MPPED2: variants seen among roughly 807,000 people sequenced by gnomAD.
MPPED2 encodes the protein metallophosphoesterase domain containing 2.
MPPED2 carries 5 observed loss-of-function variants against 33.0 expected under a neutral mutation model. That is an observed-to-expected ratio of 0.15 (90% CI 0.08 to 0.32). MPPED2 has a LOEUF of 0.32. Ranked by LOEUF, MPPED2 falls within the 10% of genes least tolerant of loss-of-function variation. MPPED2 has a pLI of 1.00. For synonymous variants in MPPED2, 136 were observed against 141.9 expected, an observed-to-expected ratio of 0.96 and a Z score of 0.29; for missense variants, 275 against 372.1, an observed-to-expected ratio of 0.74 and a Z score of 2.15.
At chr11:30,453,403 C>T (rs2133960404) in intron 4 of MPPED2, among the ~76,000 whole-genome samples, 1 of 152,236 alleles carries the variant, frequency 6.6e-6, no homozygotes, top group African/African-American at 2.4e-5. Context: ...TGAGGCTTTC[C>T]AGGAGCCCTA....
In MPPED2 at chr11:30,493,666, A is replaced by T. The variant is rs72887296; in HGVS notation, c.536+1630T>A. 3.3e-5 allele frequency among the ~76,000 whole-genome samples: 4 copies of T among 120,382 alleles called. No individual in the cohort carries two copies. In the South Asian group the frequency reaches 7.6e-4, roughly 23 times the overall value. The allele number at this position is 120,382 out of a possible 152,430, so 79.0% of individuals were successfully genotyped here. On this transcript the variant is annotated intron_variant, in intron 4 of 6. Coordinates refer to ENST00000358117, the MANE Select transcript of MPPED2 (RefSeq NM_001584.3). ...AGTCTAACATTCTCATTTTAAAGAT[A>T]AAAAAAAAAACTGGCTCTAGGGCCT...
intron 2 of MPPED2, among the ~76,000 whole-genome samples, chr11:30,537,401 A>G (rs1364110848): frequency 6.6e-6 from 1 of 152,216 alleles, no homozygotes; most frequent in Non-Finnish European, 1.5e-5. Flanking sequence ...GATAGTTAAC[A>G]TGCAGCAGAG....
rs1956503706 is a variant in MPPED2 at position 30,567,638 on chromosome 11, C to T, written c.128+12608G>A. On this transcript the variant is annotated intron_variant, in intron 2 of 6. Transcript: ENST00000358117. ...TGTGTTCTAAAGTAGTGCCCAAGCA[C>T]TTATCCTGTTCTCTTTGAAAAACAC... Among the ~76,000 whole-genome samples, 8 of 152,210 alleles carry T rather than the reference C, an allele frequency of 5.3e-5. 1 individual carries two copies. The South Asian group carries it at 1.7e-3, about 31-fold the overall frequency.
intron 4 of MPPED2, among the ~76,000 whole-genome samples, chr11:30,464,898 G>C (rs1456702217): frequency 1.3e-5 from 2 of 152,254 alleles, no homozygotes; most frequent in East Asian, 3.9e-4. Flanking sequence ...TCTATCACAG[G>C]CTCGTTCAAT....
In MPPED2 at chr11:30,411,347, T is replaced by C; in HGVS notation, c.*121A>G. ...AGCACAACCTCTAGCATCATTTGTG[T>C]TCCAACAATTTACAAAAAGAACTCA... On this transcript the variant is annotated 3_prime_UTR_variant, in exon 7 of 7. Coordinates refer to ENST00000358117, the MANE Select transcript of MPPED2 (RefSeq NM_001584.3). 7.2e-7 allele frequency: 1 copy of C among 1,389,024 alleles called. No individual in the cohort carries two copies. Among genetic ancestry groups the C allele is most frequent in the Non-Finnish European group, 9.4e-7 (1 of 1,059,784 alleles). The allele number at this position is 1,389,024 out of a possible 1,614,324, so 86.0% of individuals were successfully genotyped here. A position where few individuals can be genotyped will look rare whatever the true frequency, so the allele number is the denominator to read the frequency against.
At chr11:30,550,214 C>G (rs1955633546) in intron 2 of MPPED2, among the ~76,000 whole-genome samples, 1 of 146,548 alleles carries the variant, frequency 6.8e-6, no homozygotes, top group African/African-American at 2.4e-5. Context: ...GCCTGAGAAA[C>G]AGTCAGTGAA....
At chr11:30,414,546 AT>A (rs11433178) in intron 5 of MPPED2, among the ~76,000 whole-genome samples, 5 of 148,590 alleles carry the variant, frequency 3.4e-5, no homozygotes, top group African/African-American at 5.0e-5. Context: ...TTTGGTTTCC[AT>A]TTTTTTTTCT....
chr11:30,576,884 A>G (rs1956953138), intron 2 of MPPED2, among the ~76,000 whole-genome samples: 1 of 151,940 alleles, frequency 6.6e-6, no homozygotes, highest in South Asian at 2.1e-4. Context: ...GCTTTCTAAA[A>G]AAAAAAAACT....
At chr11:30,441,537 A>G (rs1383948894) in intron 4 of MPPED2, 1 of 152,202 alleles carries the variant, frequency 6.6e-6, no homozygotes, top group Non-Finnish European at 1.5e-5. Context: ...ATTGACAATA[A>G]TCTTGTGGTA....
intron 3 of MPPED2, among the ~76,000 whole-genome samples, chr11:30,516,960 T>C (rs1048273705): frequency 6.6e-6 from 1 of 152,182 alleles, no homozygotes; most frequent in African/African-American, 2.4e-5. Context: ...TATGGATGGG[T>C]TGGCTGTATG....
In MPPED2 at chr11:30,455,992, A is replaced by G. The variant is rs77988531; in HGVS notation, c.537-38359T>C. Among the ~76,000 whole-genome samples the G allele has an allele frequency of 6.8e-3, 1,030 of 152,334 alleles. 9 individuals are homozygous for G. The highest frequency in any genetic ancestry group is 0.024 in the African/African-American group (986 of 41,568). On this transcript the variant is annotated intron_variant, in intron 4 of 6. Transcript: ENST00000358117. The stretch of plus-strand genomic sequence containing the variant: ...AATGTTTCATCACAGCTTGCATTCA[A>G]AACCTCTGTGTCTTGCCTTTCAAGT...
upstream of MPPED2, chr11:30,586,403 C>A (rs1957472315): frequency 6.6e-6 from 1 of 152,438 alleles, no homozygotes; most frequent in Non-Finnish European, 1.5e-5. This position sits in a 1 kb window ranked among gnomAD's most constrained non-coding sequence, Gnocchi z 4.8. Flanking sequence ...GGAAGCAGGG[C>A]GGCCGAGGCG....
At chr11:30,492,303 T>G (rs1455658809) in intron 4 of MPPED2, among the ~76,000 whole-genome samples, 7 of 152,162 alleles carry the variant, frequency 4.6e-5, no homozygotes. Context: ...AACCCTGTCC[T>G]AAACAGATTT....
chr11:30,505,481 T>C (rs563177001), intron 3 of MPPED2, among the ~76,000 whole-genome samples: 1 of 152,348 alleles, frequency 6.6e-6, no homozygotes, highest in South Asian at 2.1e-4. Context: ...ACTCCAATTA[T>C]ATTCCAGTAT....
At chr11:30,540,643 G>A (rs1955049515) in intron 2 of MPPED2, among the ~76,000 whole-genome samples, 1 of 151,958 alleles carries the variant, frequency 6.6e-6, no homozygotes, top group South Asian at 2.1e-4. Flanking sequence ...CACTCACTCA[G>A]GGACTTTGTG....
At chr11:30,493,595 CA>C (rs5790817) in intron 4 of MPPED2, among the ~76,000 whole-genome samples, 139,588 of 143,680 alleles carry the variant, frequency 0.97, 67,832 homozygotes, top group Middle Eastern at 0.99. Context: ...TATACACCCT[CA>C]AAAAAAAAAA....
chr11:30,410,332 A>G lies in MPPED2; in HGVS notation c.*1136T>C, dbSNP rs1169330391. The G allele has an allele frequency of 1.0e-6, 1 of 985,412 alleles. No homozygotes were observed. The highest frequency in any genetic ancestry group is 1.7e-5 in the African/African-American group (1 of 57,230). 61.0% of individuals were successfully genotyped at this position (985,412 alleles called of 1,614,324 possible). A position where few individuals can be genotyped will look rare whatever the true frequency, so the allele number is the denominator to read the frequency against. Reference sequence around the variant, plus strand: ...CTAAATTTCATTAACAAAGTAACATAAAATAGAATAAAGCTCAACAGCATT... The same window carrying G: ...CTAAATTTCATTAACAAAGTAACATGAAATAGAATAAAGCTCAACAGCATT... On this transcript the variant is annotated 3_prime_UTR_variant, in exon 7 of 7. Coordinates refer to ENST00000358117, the MANE Select transcript of MPPED2 (RefSeq NM_001584.3).
intron 4 of MPPED2, among the ~76,000 whole-genome samples, chr11:30,422,751 G>A (rs1948665703): frequency 6.6e-6 from 1 of 152,154 alleles, no homozygotes; most frequent in Non-Finnish European, 1.5e-5. Context: ...GAACCAACTT[G>A]TAAAAAAATG....
chr11:30,476,137 G>T (rs552801001), intron 4 of MPPED2, among the ~76,000 whole-genome samples: 1 of 151,832 alleles, frequency 6.6e-6, no homozygotes, highest in African/African-American at 2.4e-5. Flanking sequence ...ATGTATTCTG[G>T]ATAGAGATTT....
Sources: allele counts gnomAD v4.1 joint callset (sites outside exome capture counted in the v4.1 genomes callset), GRCh38; gene constraint gnomAD v4.1.1; non-coding constraint Gnocchi (gnomAD v3.1); transcripts MANE v1.5; gene names NCBI Gene and HGNC (gene_info 2026-07-23, HGNC 2026-07-21).